The following EIF2B1 variants were observed in gnomAD, a reference collection of about 807,000 sequenced individuals.
EIF2B1 encodes translation initiation factor eIF2B subunit alpha.
In EIF2B1, 30 loss-of-function variants were observed where a neutral mutation model predicts 36.8. The ratio of observed to expected loss-of-function variants is 0.81; its 90% confidence interval spans 0.61 to 1.10. The LOEUF (loss-of-function observed/expected upper bound fraction) is 1.10, where lower values mean the gene tolerates loss of function less well. EIF2B1 is among the 50% of genes least tolerant of loss of function. The pLI, the probability that EIF2B1 is intolerant of heterozygous loss-of-function variation, is 0.00. For synonymous variants in EIF2B1, 139 were observed against 142.2 expected (o/e 0.98, Z 0.16); for missense variants, 271 against 374.8 (o/e 0.72, Z 2.29).
At chr12:123,625,302 C>A (rs1955140211) in intron 6 of EIF2B1, among the ~76,000 whole-genome samples, 1 of 151,986 alleles carries the variant, frequency 6.6e-6, no homozygotes, top group African/African-American at 2.4e-5. Flanking sequence ...GTTGCCCAGG[C>A]TAGAGTGCAG....
chr12:123,628,159 G>A (rs185467603), intron 4 of EIF2B1, among the ~76,000 whole-genome samples: 3 of 151,986 alleles, frequency 2.0e-5, no homozygotes, highest in East Asian at 1.9e-4. Context: ...GGGCTCAAAC[G>A]ATCCTCCCAC....
At chr12:123,632,510 G>T in intron 1 of EIF2B1, 64 bp from the exon 2 acceptor site, 3 of 1,082,850 alleles carry the variant, frequency 2.8e-6, no homozygotes, top group Non-Finnish European at 4.3e-6. Context: ...AAGAGAGCTT[G>T]TTAATGACTG....
intron 2 of EIF2B1, among the ~76,000 whole-genome samples, chr12:123,631,258 G>A (rs1464968803): frequency 6.6e-6 from 1 of 152,152 alleles, no homozygotes; most frequent in Non-Finnish European, 1.5e-5. Flanking sequence ...TCATGACAAC[G>A]TAAGAGCTCT....
At chr12:123,629,805 TAAATAAATA>T (rs1042059664) in intron 4 of EIF2B1, among the ~76,000 whole-genome samples, 1 of 151,760 alleles carries the variant, frequency 6.6e-6, no homozygotes, top group African/African-American at 2.4e-5. Flanking sequence ...AATAAATAAA[TAAATAAATA>T]AAATAAATCA....
At position 123,621,462 on chromosome 12, in the gene EIF2B1, T is replaced by A. The variant is rs1230588049; in HGVS notation, c.*294A>T. ...AGGATGAAGACAGGTGGACTTGGGCTCATCTTTCATCAGTTAAGTAGCCAA... is the reference window on the plus strand; with the variant it reads ...AGGATGAAGACAGGTGGACTTGGGCACATCTTTCATCAGTTAAGTAGCCAA... On this transcript the variant is annotated 3_prime_UTR_variant, in exon 9 of 9. Coordinates refer to ENST00000424014, the MANE Select transcript of EIF2B1 (RefSeq NM_001414.4). 3 of 411,348 alleles carry A rather than the reference T, an allele frequency of 7.3e-6. No homozygotes were observed. Among genetic ancestry groups the A allele is most frequent in the Non-Finnish European group, 1.4e-5 (3 of 218,690 alleles). 25.5% of individuals were successfully genotyped at this position (411,348 alleles called of 1,614,324 possible). A position where few individuals can be genotyped will look rare whatever the true frequency, so the allele number is the denominator to read the frequency against.
In EIF2B1 at chr12:123,621,744, A is replaced by G. The variant is rs1955100849; in HGVS notation, c.*12T>C. On this transcript the variant is annotated 3_prime_UTR_variant, in exon 9 of 9. Coordinates refer to ENST00000424014, the MANE Select transcript of EIF2B1 (RefSeq NM_001414.4). ...TACGTAAGCTGCACCTTGGCAGGAA[A>G]GGGCTCACAGGTTACAGATAGAGCT... 6.2e-7 allele frequency: 1 copy of G among 1,613,232 alleles called. No homozygotes were observed. The highest frequency in any genetic ancestry group is 2.2e-5 in the East Asian group (1 of 44,876).
In EIF2B1 at chr12:123,630,580, C is replaced by A; in HGVS notation, c.116-47G>T. 6.2e-7 allele frequency: 1 copy of A among 1,606,206 alleles called. No individual in the cohort carries two copies. Among genetic ancestry groups the A allele is most frequent in the Non-Finnish European group, 8.5e-7 (1 of 1,179,468 alleles). The stretch of plus-strand genomic sequence containing the variant: ...TGTGATGTTCACATTAGGGCCACAG[C>A]CCCGACCTGTATCTTCAATTCATTC... On this transcript the variant is annotated intron_variant, in intron 2 of 8. Coordinates refer to ENST00000424014, the MANE Select transcript of EIF2B1 (RefSeq NM_001414.4). This position sits in a 1 kb window ranked among gnomAD's most constrained non-coding sequence, Gnocchi z 4.6.
chr12:123,627,292 G>C (rs771021423), intron 4 of EIF2B1, 136 bp from the exon 5 acceptor site: 8 of 763,046 alleles, frequency 1.0e-5, no homozygotes, highest in Non-Finnish European at 1.8e-5. Context: ...CCAGAAAGGA[G>C]ACCTGATGGT....
chr12:123,624,146 G>A (rs563548164), intron 7 of EIF2B1, among the ~76,000 whole-genome samples: 41 of 149,164 alleles, frequency 2.7e-4, no homozygotes, highest in African/African-American at 8.9e-4. Context: ...TATATATTAT[G>A]TGTGTGTATA....
At chr12:123,626,727 AAGG>A (rs1233645651) in intron 5 of EIF2B1, 3 of 638,210 alleles carry the variant, frequency 4.7e-6, no homozygotes, top group South Asian at 1.9e-5. Flanking sequence ...TTCAGGAAAA[AAGG>A]AGGAAGTTTT....
chr12:123,622,092 T>C (rs973818369), intron 8 of EIF2B1, among the ~76,000 whole-genome samples, 172 bp from the exon 9 acceptor site: 5 of 152,164 alleles, frequency 3.3e-5, no homozygotes, highest in Non-Finnish European at 5.9e-5. Flanking sequence ...ATGAGCCAGA[T>C]CATGGCAGTG....
intron 6 of EIF2B1, among the ~76,000 whole-genome samples, chr12:123,625,513 T>C (rs1955141958): frequency 6.6e-6 from 1 of 152,122 alleles, no homozygotes; most frequent in African/African-American, 2.4e-5. Flanking sequence ...ACCTTAAGAA[T>C]CTTTCTGGTA....
rs1310242786 is a variant in EIF2B1 at position 123,620,427 on chromosome 12, T to G, written c.*1329A>C. 2.6e-5 allele frequency: 6 copies of G among 230,236 alleles called. No homozygotes were observed. Among genetic ancestry groups the G allele is most frequent in the Non-Finnish European group, 1.7e-5 (2 of 117,730 alleles). The allele number at this position is 230,236 out of a possible 1,614,324, so 14.3% of individuals were successfully genotyped here. On this transcript the variant is annotated 3_prime_UTR_variant, in exon 9 of 9. Transcript: ENST00000424014. Reference sequence around the variant, plus strand: ...TGAGCCCAGGAGTTCAAGACCAGCCTGGGAACACAGCGAGACCCTCTCATT... The same window carrying G: ...TGAGCCCAGGAGTTCAAGACCAGCCGGGGAACACAGCGAGACCCTCTCATT...
Position 123,630,597 on chromosome 12 carries a change from AATTCATTC to A in EIF2B1, c.116-72_116-65del. 1 of 1,597,390 alleles carries A rather than the reference AATTCATTC, an allele frequency of 6.3e-7. No homozygotes were observed. The highest frequency in any genetic ancestry group is 2.2e-5 in the East Asian group (1 of 44,864). ...GGCCACAGCCCCGACCTGTATCTTC[AATTCATTC>A]ATTCATTCAGTGAATATTTACTAGG... On this transcript the variant is annotated intron_variant, in intron 2 of 8. Transcript: ENST00000424014. This position sits in a 1 kb window ranked among gnomAD's most constrained non-coding sequence, Gnocchi z 4.6.
intron 4 of EIF2B1, among the ~76,000 whole-genome samples, chr12:123,629,879 T>C (rs1955175105): frequency 6.6e-6 from 1 of 152,130 alleles, no homozygotes; most frequent in South Asian, 2.1e-4. Context: ...ATGACAACCA[T>C]CTCTAATAAC....
chr12:123,625,084 G>A (rs1050292380), intron 6 of EIF2B1, among the ~76,000 whole-genome samples: 3 of 152,016 alleles, frequency 2.0e-5, no homozygotes, highest in Non-Finnish European at 2.9e-5. Flanking sequence ...ACTGCCGCCC[G>A]GCGCATGCAC....
At chr12:123,626,756 TAG>T (rs1387048932) in intron 5 of EIF2B1, 11 of 645,928 alleles carry the variant, frequency 1.7e-5, no homozygotes, top group Admixed American at 2.4e-5. Flanking sequence ...GATTATCGTC[TAG>T]AGAGAGGGAG....
Position 123,625,211 on chromosome 12 carries a change from C to T in EIF2B1, c.552-349G>A, listed in dbSNP as rs571152776. On this transcript the variant is annotated intron_variant, in intron 6 of 8. Transcript: ENST00000424014. ...CACAAACCAAACAAAATTTTAAAAT[C>T]TGATGAGATCTGAAGTTGGACAAAA... Among the ~76,000 whole-genome samples, 8 of 152,282 alleles carry T rather than the reference C, an allele frequency of 5.3e-5. No individual in the cohort carries two copies. The South Asian group carries it at 1.7e-3, about 32-fold the overall frequency.
chr12:123,622,486 T>G, intron 8 of EIF2B1, 150 bp downstream of exon 8: 2 of 1,118,898 alleles, frequency 1.8e-6, no homozygotes, highest in Non-Finnish European at 2.6e-6. Flanking sequence ...GACAAATGTG[T>G]GAGTCCAATC....
Sources: gnomAD v4.1 joint callset for allele counts (sites outside exome capture counted in the v4.1 genomes callset) on GRCh38, gnomAD v4.1.1 for gene constraint, Gnocchi (gnomAD v3.1) non-coding constraint, MANE v1.5 for transcripts, NCBI Gene and HGNC (gene_info 2026-07-23, HGNC 2026-07-21) for gene names.